Variants in JAZF1 observed in about 807,000 individuals in gnomAD.
JAZF1 encodes JAZF zinc finger 1, also known as juxtaposed with another zinc finger protein 1.
JAZF1 carries 8 observed loss-of-function variants against 26.4 expected under a neutral mutation model. The ratio of observed to expected loss-of-function variants is 0.30; its 90% CI spans 0.18 to 0.55. The LOEUF (loss-of-function observed/expected upper bound fraction) is 0.55. JAZF1 is among the 20% of genes least tolerant of loss of function. The pLI is 0.94. For missense variants in JAZF1, 199 were observed against 322.0 expected (o/e 0.62, Z 2.92); for synonymous variants, 126 against 122.3 (o/e 1.03, Z -0.20).
intron 1 of JAZF1, among the ~76,000 whole-genome samples, chr7:28,123,009 T>A (rs1278005604): frequency 6.6e-6 from 1 of 152,160 alleles, no homozygotes; most frequent in Non-Finnish European, 1.5e-5. Flanking sequence ...CTATTTATCC[T>A]TAAAGACAAA....
chr7:28,118,470 G>T (rs1009704177), intron 1 of JAZF1, among the ~76,000 whole-genome samples: 11 of 151,990 alleles, frequency 7.2e-5, no homozygotes, highest in Non-Finnish European at 5.9e-5. Flanking sequence ...GGCCAAGATT[G>T]CACCAGGGTG....
chr7:28,152,283 T>C (rs1393622296), intron 1 of JAZF1, among the ~76,000 whole-genome samples: 2 of 152,232 alleles, frequency 1.3e-5, no homozygotes, highest in African/African-American at 2.4e-5. Flanking sequence ...CATATTTGGC[T>C]ACATCTCTTC....
chr7:27,932,687 A>G (rs1260560335), intron 2 of JAZF1, among the ~76,000 whole-genome samples: 1 of 152,234 alleles, frequency 6.6e-6, no homozygotes, highest in African/African-American at 2.4e-5. Context: ...CTGAAGACAA[A>G]AAACAAAGTC....
At chr7:28,140,365 G>A (rs1392742378) in intron 1 of JAZF1, among the ~76,000 whole-genome samples, 1 of 152,098 alleles carries the variant, frequency 6.6e-6, no homozygotes, top group Non-Finnish European at 1.5e-5. Flanking sequence ...TTACAGGCAT[G>A]AGCCACCATG....
At chr7:27,995,094 G>A (rs1259717490) in intron 1 of JAZF1, among the ~76,000 whole-genome samples, 1 of 152,182 alleles carries the variant, frequency 6.6e-6, no homozygotes, top group East Asian at 1.9e-4. Flanking sequence ...CCAACAGGAA[G>A]AATTTCCTTA....
chr7:28,073,007 T>C (rs1256190139), intron 1 of JAZF1, among the ~76,000 whole-genome samples: 1 of 152,144 alleles, frequency 6.6e-6, no homozygotes, highest in Admixed American at 6.5e-5. Context: ...AAAAGGAAAC[T>C]CCAGCCTTGC....
chr7:28,095,762 A>G (rs1399116536), intron 1 of JAZF1, among the ~76,000 whole-genome samples: 5 of 152,202 alleles, frequency 3.3e-5, no homozygotes, highest in Non-Finnish European at 2.9e-5. Context: ...CAGTCAGCTT[A>G]GGCTGCCATA....
chr7:28,112,228 C>G (rs937695333), intron 1 of JAZF1, among the ~76,000 whole-genome samples: 5 of 152,112 alleles, frequency 3.3e-5, no homozygotes, highest in African/African-American at 1.2e-4. Context: ...GGAAAGAAAC[C>G]AAAAGTTAGT....
At chr7:28,143,663 AG>A (rs1782988298) in intron 1 of JAZF1, among the ~76,000 whole-genome samples, 1 of 152,246 alleles carries the variant, frequency 6.6e-6, no homozygotes, top group African/African-American at 2.4e-5. Context: ...ACCTACGCCC[AG>A]TCTTTGGAGC....
chr7:27,993,027 C>T (rs531907429), intron 1 of JAZF1, among the ~76,000 whole-genome samples: 4 of 152,236 alleles, frequency 2.6e-5, no homozygotes, highest in Admixed American at 6.5e-5. Flanking sequence ...GCAGAGAACA[C>T]GGGTGGCAAC....
intron 1 of JAZF1, among the ~76,000 whole-genome samples, chr7:28,045,092 G>T (rs1783472134): frequency 6.6e-6 from 1 of 151,744 alleles, no homozygotes; most frequent in South Asian, 2.1e-4. Context: ...GAGGAAGCCA[G>T]GAGGAAGGTG....
At chr7:28,174,205 C>T (rs907730121) in intron 1 of JAZF1, among the ~76,000 whole-genome samples, 2 of 151,956 alleles carry the variant, frequency 1.3e-5, no homozygotes, top group East Asian at 1.9e-4. Flanking sequence ...GATCTGAAGG[C>T]GGGGGTAAGA....
intron 1 of JAZF1, among the ~76,000 whole-genome samples, chr7:28,163,117 A>T (rs975943416): frequency 1.3e-5 from 2 of 152,232 alleles, no homozygotes; most frequent in African/African-American, 4.8e-5. Flanking sequence ...CAAAAGCATT[A>T]TCAGCTCATG....
chr7:28,048,766 A>G (rs1783538620), intron 1 of JAZF1, among the ~76,000 whole-genome samples: 1 of 152,222 alleles, frequency 6.6e-6, no homozygotes, highest in Non-Finnish European at 1.5e-5. Flanking sequence ...ATGTCCATCA[A>G]TGGATGAATG....
intron 2 of JAZF1, among the ~76,000 whole-genome samples, chr7:27,942,180 A>G (rs1022338675): frequency 2.0e-5 from 3 of 152,238 alleles, no homozygotes; most frequent in African/African-American, 7.2e-5. Flanking sequence ...AATGATCAAG[A>G]TAACAGATAA....
chr7:28,027,331 G>C (rs901884693), intron 1 of JAZF1, among the ~76,000 whole-genome samples: 1 of 152,188 alleles, frequency 6.6e-6, no homozygotes, highest in Non-Finnish European at 1.5e-5. Context: ...CACAAGGGAT[G>C]AAACACTGAT....
intron 1 of JAZF1, among the ~76,000 whole-genome samples, chr7:28,068,701 T>A (rs769082238): frequency 2.6e-5 from 4 of 151,926 alleles, no homozygotes; most frequent in Non-Finnish European, 1.5e-5. Context: ...CAAGGAAATG[T>A]TATTTTTTAA....
At chr7:28,027,113 A>G (rs1183770878) in intron 1 of JAZF1, among the ~76,000 whole-genome samples, 2 of 152,198 alleles carry the variant, frequency 1.3e-5, no homozygotes, top group African/African-American at 2.4e-5. Context: ...AGGAGGGGTG[A>G]GGCCCCTTCT....
chr7:27,838,008 C>CTTTTTTTT (rs34890301), intron 4 of JAZF1, among the ~76,000 whole-genome samples: 2 of 143,594 alleles, frequency 1.4e-5, no homozygotes. Context: ...CTTTGTCTGC[C>CTTTTTTTT]TTTTTTTTTT....
Sources: gnomAD v4.1 joint callset for allele counts (sites outside exome capture counted in the v4.1 genomes callset) on GRCh38, gnomAD v4.1.1 for gene constraint, MANE v1.5 for transcripts, NCBI Gene and HGNC (gene_info 2026-07-23, HGNC 2026-07-21) for gene names.